The following PLXDC2 variants were observed in gnomAD, a reference collection of about 807,000 sequenced individuals.
PLXDC2 encodes the protein plexin domain containing 2.
PLXDC2 carries 40 observed loss-of-function variants against 68.9 expected under a neutral mutation model. The ratio of observed to expected loss-of-function variants is 0.58; its 90% CI spans 0.45 to 0.76. The LOEUF (loss-of-function observed/expected upper bound fraction) is 0.76, where lower values mean the gene tolerates loss of function less well. PLXDC2 is among the 30% of genes least tolerant of loss of function. PLXDC2 has a pLI of 0.00. For missense variants in PLXDC2, 644 were observed against 661.9 expected, an observed-to-expected ratio of 0.97 and a Z score of 0.30; for synonymous variants, 243 against 234.2, an observed-to-expected ratio of 1.04 and a Z score of -0.34.
At position 20,284,407 on chromosome 10, in the gene PLXDC2, A is replaced by ATGTGTGTGTGTGTGTGTG. The variant is rs570410455; in HGVS notation, c.*4604_*4621dup. 3 of 135,916 alleles carry ATGTGTGTGTGTGTGTGTG rather than the reference A, an allele frequency of 2.2e-5. No individual in the cohort carries two copies. Among genetic ancestry groups the ATGTGTGTGTGTGTGTGTG allele is most frequent in the Admixed American group, 1.5e-4 (2 of 13,362 alleles). The allele number at this position is 135,916 out of a possible 1,614,324, so 8.4% of individuals were successfully genotyped here. ...ATATTTGATAGAGATGATAGCAATT[A>ATGTGTGTGTGTGTGTGTG]TGTGTGTGTGTGTGTGTGTGTGTGT... On this transcript the variant is annotated 3_prime_UTR_variant, in exon 14 of 14. Coordinates refer to ENST00000377252, the MANE Select transcript of PLXDC2 (RefSeq NM_032812.9).
At chr10:20,096,700 T>C (rs924469125) in intron 4 of PLXDC2, among the ~76,000 whole-genome samples, 4 of 152,146 alleles carry the variant, frequency 2.6e-5, no homozygotes, top group Non-Finnish European at 5.9e-5. Context: ...TCTATATGAA[T>C]TATTAATTTG....
At chr10:20,041,935 TTA>T (rs1177356545) in intron 2 of PLXDC2, among the ~76,000 whole-genome samples, 4 of 152,214 alleles carry the variant, frequency 2.6e-5, no homozygotes, top group Non-Finnish European at 5.9e-5. Flanking sequence ...GACCCCACTC[TTA>T]TGATATTATT....
intron 13 of PLXDC2, among the ~76,000 whole-genome samples, chr10:20,261,111 A>G (rs1835803806): frequency 6.6e-6 from 1 of 152,180 alleles, no homozygotes; most frequent in Non-Finnish European, 1.5e-5. Flanking sequence ...ACTCAGATAA[A>G]TGGTTTGCAA....
At chr10:20,215,639 T>G (rs1835126120) in intron 10 of PLXDC2, among the ~76,000 whole-genome samples, 1 of 152,052 alleles carries the variant, frequency 6.6e-6, no homozygotes. Flanking sequence ...AAATTCACAA[T>G]ACCTGTGAAG....
intron 12 of PLXDC2, among the ~76,000 whole-genome samples, chr10:20,231,221 A>C (rs1210593250): frequency 2.0e-5 from 3 of 150,468 alleles, no homozygotes; most frequent in Non-Finnish European, 4.4e-5. Context: ...TGTGAAATGC[A>C]AATCAAACTT....
At chr10:19,830,771 G>T (rs1286597605) in intron 1 of PLXDC2, among the ~76,000 whole-genome samples, 2 of 151,968 alleles carry the variant, frequency 1.3e-5, no homozygotes, top group African/African-American at 4.8e-5. Context: ...TGTTGCATTG[G>T]GAAGATAAAA....
intron 1 of PLXDC2, among the ~76,000 whole-genome samples, chr10:19,932,882 G>A (rs79509322): frequency 0.01 from 1,583 of 152,204 alleles, 30 homozygotes; most frequent in African/African-American, 0.036. Flanking sequence ...CATGACTTTG[G>A]GTCAAGTAGA....
At chr10:20,119,934 C>T (rs529089232) in intron 4 of PLXDC2, among the ~76,000 whole-genome samples, 6 of 152,192 alleles carry the variant, frequency 3.9e-5, no homozygotes, top group South Asian at 2.1e-4. Flanking sequence ...AGAATTGGGA[C>T]GACTCAGGAC....
intron 1 of PLXDC2, among the ~76,000 whole-genome samples, chr10:19,950,238 C>CAT (rs1833969782): frequency 6.6e-6 from 1 of 152,134 alleles, no homozygotes; most frequent in Non-Finnish European, 1.5e-5. Context: ...TCTTCACTGA[C>CAT]AATATGATTC....
At chr10:20,200,009 G>C (rs1485304206) in intron 9 of PLXDC2, among the ~76,000 whole-genome samples, 1 of 151,892 alleles carries the variant, frequency 6.6e-6, no homozygotes, top group Non-Finnish European at 1.5e-5. Context: ...AGCTAGGAGA[G>C]AATCTGGCAG....
chr10:20,026,299 A>T (rs961196331), intron 2 of PLXDC2, among the ~76,000 whole-genome samples: 1 of 152,130 alleles, frequency 6.6e-6, no homozygotes, highest in East Asian at 1.9e-4. Context: ...TTAATGTCCT[A>T]ATAGTGAATG....
chr10:19,924,425 C>T (rs189288787), intron 1 of PLXDC2, among the ~76,000 whole-genome samples: 231 of 152,196 alleles, frequency 1.5e-3, no homozygotes, highest in Admixed American at 4.8e-3. Flanking sequence ...TATAATTTAC[C>T]GATTTCCTTT....
rs756572124 is a variant in PLXDC2, at chr10:20,046,950, G to T, written c.406G>T (p.Asp136Tyr). The change falls in exon 3 of 14, where the codon GAC becomes TAC. Residue 136 changes from aspartate to tyrosine, a missense_variant. Transcript: ENST00000377252. ...SASRDLWVNI[D>Y]QMEKDKVKIH... is the part of the protein sequence containing the mutation. ...CAGCCGGGATTTATGGGTGAACATA[G>T]ACCAAATGGAAAAAGATAAAGTGAA... 6.2e-7 allele frequency: 1 copy of T among 1,612,480 alleles called. No individual in the cohort carries two copies. The highest frequency in any genetic ancestry group is 8.5e-7 in the Non-Finnish European group (1 of 1,179,234).
intron 4 of PLXDC2, among the ~76,000 whole-genome samples, chr10:20,127,252 T>A (rs981736851): frequency 6.6e-6 from 1 of 152,158 alleles, no homozygotes; most frequent in Admixed American, 6.6e-5. Flanking sequence ...GTGAAGAGAT[T>A]GTCAGCACAT....
intron 3 of PLXDC2, among the ~76,000 whole-genome samples, chr10:20,062,330 G>A (rs1328219644): frequency 4.6e-5 from 7 of 152,006 alleles, no homozygotes; most frequent in African/African-American, 2.4e-5. Flanking sequence ...AGGCTGAGGC[G>A]GGAGAATCAC....
chr10:20,079,420 G>A (rs1292370053), intron 4 of PLXDC2, among the ~76,000 whole-genome samples: 1 of 152,154 alleles, frequency 6.6e-6, no homozygotes, highest in Non-Finnish European at 1.5e-5. Flanking sequence ...ATGTAAATTA[G>A]TTCAACCATT....
At chr10:20,080,762 C>T (rs1473105954) in intron 4 of PLXDC2, among the ~76,000 whole-genome samples, 1 of 152,192 alleles carries the variant, frequency 6.6e-6, no homozygotes, top group African/African-American at 2.4e-5. Context: ...ATCCTTCAAT[C>T]CAATCAAGTT....
At chr10:20,272,262 T>G (rs1034765169) in intron 13 of PLXDC2, among the ~76,000 whole-genome samples, 4 of 152,178 alleles carry the variant, frequency 2.6e-5, no homozygotes, top group Non-Finnish European at 5.9e-5. Context: ...AAAGAAACAA[T>G]GTGTATTGAA....
intron 1 of PLXDC2, among the ~76,000 whole-genome samples, chr10:19,851,243 T>C (rs752771714): frequency 2.0e-5 from 3 of 152,330 alleles, no homozygotes; most frequent in Non-Finnish European, 4.4e-5. Flanking sequence ...TAACATAGAT[T>C]AGGGCCTTTC....
Sources: allele counts gnomAD v4.1 joint callset (sites outside exome capture counted in the v4.1 genomes callset), GRCh38; gene constraint gnomAD v4.1.1; transcripts MANE v1.5; gene names NCBI Gene and HGNC (gene_info 2026-07-23, HGNC 2026-07-21).